Variants in XKR4 observed in about 807,000 individuals in gnomAD.
XKR4 encodes XK related 4.
A neutral mutation model predicts 53.9 loss-of-function variants in XKR4; 12 were observed. The observed-to-expected ratio is 0.22, with a 90% CI of 0.14 to 0.36. The LOEUF (loss-of-function observed/expected upper bound fraction) is 0.36. Ranked by LOEUF, XKR4 falls within the 10% of genes least tolerant of loss-of-function variation. The probability of loss-of-function intolerance (pLI) is 1.00; values close to 1 mark genes in which losing one functional copy is unlikely to be tolerated. For synonymous variants in XKR4, 354 were observed against 362.4 expected, an observed-to-expected ratio of 0.98 and a Z score of 0.26; for missense variants, 799 against 859.5, an observed-to-expected ratio of 0.93 and a Z score of 0.88.
chr8:55,373,813 A>T (rs1341412617), intron 2 of XKR4, among the ~76,000 whole-genome samples: 4 of 148,432 alleles, frequency 2.7e-5, no homozygotes, highest in Admixed American at 6.7e-5. Flanking sequence ...AGTAAGTTTT[A>T]TTTTTTTTTT....
intron 1 of XKR4, among the ~76,000 whole-genome samples, chr8:55,257,837 A>T (rs529433577): frequency 6.6e-6 from 1 of 152,200 alleles, no homozygotes; most frequent in Non-Finnish European, 1.5e-5. Context: ...CCCCTCCAAC[A>T]TCTAAAATGT....
intron 1 of XKR4, among the ~76,000 whole-genome samples, chr8:55,262,531 T>A (rs60865181): frequency 0.24 from 35,864 of 152,052 alleles, 4,681 homozygotes; most frequent in East Asian, 0.49. Flanking sequence ...TTAAAGAAGA[T>A]AACGGAAAGA....
At chr8:55,499,531 C>T (rs1024172853) in intron 2 of XKR4, among the ~76,000 whole-genome samples, 6 of 152,094 alleles carry the variant, frequency 3.9e-5, no homozygotes, top group Non-Finnish European at 7.3e-5. Flanking sequence ...AAGTTAGGAA[C>T]CTGAAAAGTG....
intron 2 of XKR4, among the ~76,000 whole-genome samples, chr8:55,363,672 T>A (rs1803933822): frequency 6.6e-6 from 1 of 152,126 alleles, no homozygotes; most frequent in Admixed American, 6.6e-5. Flanking sequence ...AAAATCCCAG[T>A]CACCCCTGTG....
intron 2 of XKR4, among the ~76,000 whole-genome samples, chr8:55,415,417 T>C (rs1195858308): frequency 2.6e-5 from 4 of 152,184 alleles, no homozygotes; most frequent in East Asian, 1.9e-4. Context: ...AGAAGCTAAA[T>C]ACATAACAGC....
intron 1 of XKR4, among the ~76,000 whole-genome samples, chr8:55,119,146 C>G (rs1301866947): frequency 6.6e-6 from 1 of 152,220 alleles, no homozygotes; most frequent in Non-Finnish European, 1.5e-5. Flanking sequence ...TTAAAATGTG[C>G]TCTCTGACTT....
intron 1 of XKR4, among the ~76,000 whole-genome samples, chr8:55,354,841 GAAAT>G (rs1010215220): frequency 1.3e-5 from 2 of 149,706 alleles, no homozygotes; most frequent in African/African-American, 4.9e-5. Context: ...ATTCATAAAA[GAAAT>G]AAGTAGAAAA....
At chr8:55,229,685 C>A (rs527339852) in intron 1 of XKR4, among the ~76,000 whole-genome samples, 2 of 152,178 alleles carry the variant, frequency 1.3e-5, no homozygotes, top group Non-Finnish European at 2.9e-5. Context: ...ATTACTGTCT[C>A]CAGTCCTTGG....
chr8:55,223,510 A>C (rs1159351484), intron 1 of XKR4, among the ~76,000 whole-genome samples: 3 of 152,236 alleles, frequency 2.0e-5, no homozygotes, highest in Non-Finnish European at 4.4e-5. Context: ...GGATTGTATC[A>C]AAATTTGTAA....
chr8:55,541,287 A>C lies in XKR4; in HGVS notation c.*17060A>C, dbSNP rs542791567. On this transcript the variant is annotated 3_prime_UTR_variant, in exon 3 of 3. Transcript: ENST00000327381. ...ACTTAATTTTGTTTGTTTGTTTCTA[A>C]GGTTGGTTTTGGGTAAAATCCTCAT... 2.6e-5 allele frequency: 4 copies of C among 152,338 alleles called. No homozygotes were observed. Among genetic ancestry groups the C allele is most frequent in the Non-Finnish European group, 5.9e-5 (4 of 68,030 alleles). The allele number at this position is 152,338 out of a possible 1,614,324, so 9.4% of individuals were successfully genotyped here.
At chr8:55,223,110 C>A (rs576689091) in intron 1 of XKR4, among the ~76,000 whole-genome samples, 1 of 152,242 alleles carries the variant, frequency 6.6e-6, no homozygotes, top group South Asian at 2.1e-4. Context: ...AAAGAAAAAC[C>A]CTGATGCTAT....
intron 1 of XKR4, among the ~76,000 whole-genome samples, chr8:55,297,782 C>T (rs1187182578): frequency 6.6e-6 from 1 of 152,218 alleles, no homozygotes; most frequent in Non-Finnish European, 1.5e-5. Context: ...ATCCTATCAA[C>T]TGAAGCTTTG....
intron 1 of XKR4, among the ~76,000 whole-genome samples, chr8:55,289,820 AAGG>A (rs1214331923): frequency 7.4e-6 from 1 of 134,680 alleles, no homozygotes. Flanking sequence ...GAAAGAAAGA[AAGG>A]AAGGAAGGAA....
intron 1 of XKR4, among the ~76,000 whole-genome samples, chr8:55,303,945 C>T (rs1819248466): frequency 6.6e-6 from 1 of 152,112 alleles, no homozygotes; most frequent in South Asian, 2.1e-4. Context: ...TTTCAAAAAA[C>T]CAGCTCCTGG....
In XKR4 at chr8:55,364,634, G is replaced by GTT. The variant is rs549788066; in HGVS notation, c.1006+6757_1006+6758insTT. On this transcript the variant is annotated intron_variant, in intron 2 of 2. Transcript: ENST00000327381. ...GTTTTGTTTTGTTTTGTTTTGTTGG[G>GTT]GTTTTTTTTGTTTTCTGAGACAGAG... Among the ~76,000 whole-genome samples the GTT allele has an allele frequency of 5.2e-3, 793 of 151,550 alleles. 5 individuals are homozygous for GTT. The highest frequency in any genetic ancestry group is 0.017 in the Middle Eastern group (5 of 294).
intron 1 of XKR4, among the ~76,000 whole-genome samples, chr8:55,114,333 G>A (rs1816275732): frequency 6.6e-6 from 1 of 152,068 alleles, no homozygotes; most frequent in Non-Finnish European, 1.5e-5. Flanking sequence ...TAGTTGTGTT[G>A]AGCATTTTTT....
At chr8:55,327,077 T>G (rs1803305293) in intron 1 of XKR4, among the ~76,000 whole-genome samples, 1 of 152,140 alleles carries the variant, frequency 6.6e-6, no homozygotes, top group Non-Finnish European at 1.5e-5. Flanking sequence ...AAGGCGTTTA[T>G]GAAACATGTC....
intron 1 of XKR4, among the ~76,000 whole-genome samples, chr8:55,283,882 A>C (rs1818872374): frequency 6.6e-6 from 1 of 152,198 alleles, no homozygotes; most frequent in South Asian, 2.1e-4. Flanking sequence ...AGAAAGAGCA[A>C]GTGGACAAAG....
At chr8:55,364,462 A>C (rs771226556) in intron 2 of XKR4, among the ~76,000 whole-genome samples, 1 of 152,158 alleles carries the variant, frequency 6.6e-6, no homozygotes, top group Non-Finnish European at 1.5e-5. Context: ...CCCTCAGGAC[A>C]CTGAATATTC....
Sources: allele counts gnomAD v4.1 joint callset (sites outside exome capture counted in the v4.1 genomes callset), GRCh38; gene constraint gnomAD v4.1.1; transcripts MANE v1.5; gene names NCBI Gene and HGNC (gene_info 2026-07-23, HGNC 2026-07-21).